CNTN4: variants seen among roughly 807,000 people sequenced by gnomAD.
The protein encoded by CNTN4 is contactin-4.
CNTN4 carries 77 observed loss-of-function variants against 122.5 expected under a neutral mutation model. That is an observed-to-expected ratio of 0.63 (90% CI 0.52 to 0.76). CNTN4 has a LOEUF of 0.76. Among genes scored for constraint, CNTN4 ranks in the 30% least tolerant of loss-of-function variants. CNTN4 has a pLI of 0.00. For synonymous variants in CNTN4, 512 were observed against 447.0 expected, an observed-to-expected ratio of 1.15 and a Z score of -1.83; for missense variants, 1,256 against 1,259.1, an observed-to-expected ratio of 1.00 and a Z score of 0.04.
intron 3 of CNTN4, among the ~76,000 whole-genome samples, chr3:2,535,672 T>G (rs1248423898): frequency 6.6e-6 from 1 of 152,158 alleles, no homozygotes; most frequent in Non-Finnish European, 1.5e-5. Context: ...GACCCCTGTT[T>G]CTTTATGTTA....
At chr3:2,196,766 C>T (rs562987437) in intron 2 of CNTN4, among the ~76,000 whole-genome samples, 5 of 151,916 alleles carry the variant, frequency 3.3e-5, no homozygotes, top group Non-Finnish European at 5.9e-5. Context: ...ATGCCTGGGC[C>T]GGGCACGGTG....
chr3:2,537,434 C>T (rs561176750), intron 3 of CNTN4, among the ~76,000 whole-genome samples: 4 of 152,226 alleles, frequency 2.6e-5, no homozygotes, highest in South Asian at 2.1e-4. Context: ...TGCCGTTTGT[C>T]ACCAGGATAC....
At chr3:2,346,254 C>T (rs1001625770) in intron 3 of CNTN4, among the ~76,000 whole-genome samples, 1 of 152,022 alleles carries the variant, frequency 6.6e-6, no homozygotes, top group East Asian at 1.9e-4. Context: ...CAAATTTTAA[C>T]CTTAGCAAAG....
chr3:2,602,932 A>G (rs1336574519), intron 4 of CNTN4, among the ~76,000 whole-genome samples: 2 of 152,194 alleles, frequency 1.3e-5, no homozygotes, highest in Non-Finnish European at 2.9e-5. Flanking sequence ...AGTATTTCCT[A>G]TTGTATTAAG....
chr3:2,157,258 T>C (rs1377543523), intron 2 of CNTN4, among the ~76,000 whole-genome samples: 1 of 152,196 alleles, frequency 6.6e-6, no homozygotes, highest in Non-Finnish European at 1.5e-5. Context: ...TTGAGATTGA[T>C]GAGTGATGGC....
At chr3:2,478,951 C>T (rs1481891683) in intron 3 of CNTN4, among the ~76,000 whole-genome samples, 1 of 152,028 alleles carries the variant, frequency 6.6e-6, no homozygotes, top group Non-Finnish European at 1.5e-5. Context: ...ATATCTTGAT[C>T]ACAGCTTTGG....
intron 13 of CNTN4, among the ~76,000 whole-genome samples, chr3:2,957,402 C>A (rs1209209468): frequency 6.6e-6 from 1 of 152,004 alleles, no homozygotes; most frequent in African/African-American, 2.4e-5. Flanking sequence ...TACTGAGCAC[C>A]TTTTCATATG....
At chr3:2,599,060 G>C (rs1273765317) in intron 4 of CNTN4, among the ~76,000 whole-genome samples, 1 of 152,112 alleles carries the variant, frequency 6.6e-6, no homozygotes, top group African/African-American at 2.4e-5. Flanking sequence ...ATATAGCTTG[G>C]TGTATACCTT....
At chr3:2,220,639 G>A (rs528119528) in intron 2 of CNTN4, among the ~76,000 whole-genome samples, 29 of 152,010 alleles carry the variant, frequency 1.9e-4, no homozygotes, top group Non-Finnish European at 3.7e-4. Context: ...AACTTTTGAA[G>A]CCTCAGTTTG....
intron 4 of CNTN4, among the ~76,000 whole-genome samples, chr3:2,700,893 T>G (rs1272611319): frequency 6.6e-6 from 1 of 152,214 alleles, no homozygotes; most frequent in Non-Finnish European, 1.5e-5. Flanking sequence ...ATGTTTTGTC[T>G]GGTTTTTGGT....
chr3:2,642,759 C>A lies in CNTN4; in HGVS notation c.55+71201C>A, dbSNP rs775407336. 1.3e-5 allele frequency among the ~76,000 whole-genome samples: 2 copies of A among 152,304 alleles called. 1 individual carries two copies. Among genetic ancestry groups the A allele is most frequent in the Admixed American group, 1.3e-4 (2 of 15,298 alleles). ...TCTGCACTTAAAAGATAGATACTTA[C>A]ATTTTTCTGTCCTTCTGTCTTTGTT... On this transcript the variant is annotated intron_variant, in intron 4 of 24. Coordinates refer to ENST00000418658, the MANE Select transcript of CNTN4 (RefSeq NM_175607.3).
intron 2 of CNTN4, among the ~76,000 whole-genome samples, chr3:2,186,607 T>A (rs1187551791): frequency 6.6e-6 from 1 of 152,212 alleles, no homozygotes; most frequent in Non-Finnish European, 1.5e-5. Context: ...TTCCTGACTT[T>A]TTAATGATGG....
At chr3:2,638,776 A>G (rs1432688812) in intron 4 of CNTN4, among the ~76,000 whole-genome samples, 1 of 152,186 alleles carries the variant, frequency 6.6e-6, no homozygotes, top group African/African-American at 2.4e-5. Context: ...ATTTCAGATA[A>G]TGACAACTTC....
At chr3:2,544,289 G>A (rs1466319716) in intron 3 of CNTN4, among the ~76,000 whole-genome samples, 1 of 152,060 alleles carries the variant, frequency 6.6e-6, no homozygotes, top group East Asian at 1.9e-4. Flanking sequence ...CCTCCTTGGA[G>A]AACATGGGAA....
intron 2 of CNTN4, among the ~76,000 whole-genome samples, chr3:2,203,072 T>G (rs932411129): frequency 6.6e-6 from 1 of 151,944 alleles, no homozygotes; most frequent in African/African-American, 2.4e-5. Flanking sequence ...GACCTCAAGT[T>G]GTCTGCCCGC....
At chr3:2,120,422 T>TA (rs2033693267) in intron 2 of CNTN4, among the ~76,000 whole-genome samples, 1 of 118,144 alleles carries the variant, frequency 8.5e-6, no homozygotes, top group African/African-American at 3.2e-5. Context: ...TTTTTTTTTT[T>TA]ATGCAGAGTC....
chr3:2,520,599 T>C (rs1057480985), intron 3 of CNTN4, among the ~76,000 whole-genome samples: 1 of 152,194 alleles, frequency 6.6e-6, no homozygotes, highest in African/African-American at 2.4e-5. Flanking sequence ...AAAAAAACTT[T>C]TGATACTCAC....
intron 4 of CNTN4, among the ~76,000 whole-genome samples, chr3:2,729,966 C>T (rs2088560449): frequency 6.6e-6 from 1 of 152,102 alleles, no homozygotes; most frequent in South Asian, 2.1e-4. Context: ...GAGATGCTTG[C>T]TCAAATGCTG....
chr3:2,513,325 T>C (rs965415609), intron 3 of CNTN4, among the ~76,000 whole-genome samples: 11 of 152,200 alleles, frequency 7.2e-5, no homozygotes, highest in Non-Finnish European at 1.0e-4. Flanking sequence ...TTAGTGTTTT[T>C]CTGACTACTG....
Sources: allele counts gnomAD v4.1 joint callset (sites outside exome capture counted in the v4.1 genomes callset), GRCh38; gene constraint gnomAD v4.1.1; transcripts MANE v1.5; gene names NCBI Gene and HGNC (gene_info 2026-07-23, HGNC 2026-07-21).